The following DGKB variants were observed in gnomAD, a reference collection of about 807,000 sequenced individuals.
DGKB encodes diacylglycerol kinase beta, also known as 90 kDa diacylglycerol kinase.
In DGKB, 67 loss-of-function variants were observed where a neutral mutation model predicts 114.3. The ratio of observed to expected loss-of-function variants is 0.59; its 90% confidence interval spans 0.48 to 0.72. The LOEUF (loss-of-function observed/expected upper bound fraction) is 0.72. Among genes scored for constraint, DGKB ranks in the 30% least tolerant of loss-of-function variants. DGKB has a pLI of 0.00. For synonymous variants in DGKB, 398 were observed against 323.1 expected (o/e 1.23, Z -2.49); for missense variants, 907 against 975.2 (o/e 0.93, Z 0.93).
chr7:14,384,482 A>C (rs1025723923), intron 21 of DGKB, among the ~76,000 whole-genome samples: 2 of 152,024 alleles, frequency 1.3e-5, no homozygotes, highest in African/African-American at 4.8e-5. Flanking sequence ...TGTGTTTACT[A>C]TCTGGATTCA....
intron 1 of DGKB, among the ~76,000 whole-genome samples, chr7:14,951,354 A>G (rs1714869425): frequency 6.6e-6 from 1 of 152,058 alleles, no homozygotes; most frequent in South Asian, 2.1e-4. Context: ...AAAGCCACAT[A>G]AAGACATGGA....
chr7:14,924,454 T>C (rs894495094), intron 1 of DGKB, among the ~76,000 whole-genome samples: 4 of 152,218 alleles, frequency 2.6e-5, no homozygotes, highest in African/African-American at 9.6e-5. Context: ...AGATTTCCTC[T>C]GTGGTACTTT....
chr7:14,263,104 G>A (rs1271398430), intron 23 of DGKB, among the ~76,000 whole-genome samples: 1 of 152,076 alleles, frequency 6.6e-6, no homozygotes, highest in African/African-American at 2.4e-5. Flanking sequence ...AAAGTAGGTA[G>A]GACTATATCT....
intron 13 of DGKB, among the ~76,000 whole-genome samples, chr7:14,639,509 C>T (rs1221848870): frequency 1.3e-5 from 2 of 152,170 alleles, no homozygotes; most frequent in South Asian, 2.1e-4. Context: ...AAGCTTGCAG[C>T]CGTCCCTAAG....
intron 20 of DGKB, among the ~76,000 whole-genome samples, chr7:14,497,339 ATAAAAATTT>A (rs1785455453): frequency 6.6e-6 from 1 of 151,846 alleles, no homozygotes; most frequent in African/African-American, 2.4e-5. Flanking sequence ...AGAGATTAAA[ATAAAAATTT>A]TAAAATAAAA....
At chr7:14,956,662 A>G (rs1786521259) in intron 1 of DGKB, among the ~76,000 whole-genome samples, 1 of 152,048 alleles carries the variant, frequency 6.6e-6, no homozygotes, top group African/African-American at 2.4e-5. Flanking sequence ...TTCATTGTCT[A>G]TACAAGAAAT....
chr7:14,211,446 T>C (rs1787878692), intron 23 of DGKB, among the ~76,000 whole-genome samples: 1 of 72,114 alleles, frequency 1.4e-5, no homozygotes, highest in Non-Finnish European at 2.5e-5. Context: ...TGTTTTGTGA[T>C]ATTTACTCTC....
intron 23 of DGKB, among the ~76,000 whole-genome samples, chr7:14,204,594 T>C (rs1786451394): frequency 6.6e-6 from 1 of 152,034 alleles, no homozygotes. Flanking sequence ...TAGCCTAAAT[T>C]GTCTTGGTAA....
intron 21 of DGKB, among the ~76,000 whole-genome samples, chr7:14,436,784 AAG>A (rs1210048723): frequency 6.6e-6 from 1 of 152,152 alleles, no homozygotes; most frequent in Non-Finnish European, 1.5e-5. Flanking sequence ...CTCAAATTTT[AAG>A]AGTTTGACCT....
intron 23 of DGKB, among the ~76,000 whole-genome samples, chr7:14,266,020 A>G (rs1431925467): frequency 6.6e-6 from 1 of 152,152 alleles, no homozygotes; most frequent in Non-Finnish European, 1.5e-5. Flanking sequence ...CCCCAGACTA[A>G]GTCGGTAAAT....
At chr7:14,277,180 A>AT (rs55786502) in intron 23 of DGKB, among the ~76,000 whole-genome samples, 114,528 of 151,130 alleles carry the variant, frequency 0.76, 44,462 homozygotes, top group South Asian at 0.86. Flanking sequence ...AGTTTATTTT[A>AT]TTTTTTTTGA....
intron 20 of DGKB, among the ~76,000 whole-genome samples, chr7:14,515,225 T>C (rs982558110): frequency 1.3e-5 from 2 of 152,198 alleles, no homozygotes; most frequent in African/African-American, 2.4e-5. Context: ...ATGACATCAA[T>C]ATATTATTTC....
chr7:14,479,149 T>G (rs1782627560), intron 20 of DGKB, among the ~76,000 whole-genome samples: 2 of 152,148 alleles, frequency 1.3e-5, no homozygotes, highest in African/African-American at 4.8e-5. Flanking sequence ...AGGGCTATTG[T>G]TGACATTCAC....
intron 1 of DGKB, among the ~76,000 whole-genome samples, chr7:14,934,908 T>A (rs142237340): frequency 7.9e-5 from 12 of 152,312 alleles, no homozygotes; most frequent in African/African-American, 2.9e-4. Context: ...TAAACCCACA[T>A]AACTGAATTT....
chr7:14,648,466 A>T (rs1475493125), intron 13 of DGKB, among the ~76,000 whole-genome samples: 1 of 151,704 alleles, frequency 6.6e-6, no homozygotes, highest in Non-Finnish European at 1.5e-5. Context: ...AACAAACAGA[A>T]AGGACATCCA....
chr7:14,680,672 C>A (rs1435244926), intron 12 of DGKB, among the ~76,000 whole-genome samples: 1 of 151,826 alleles, frequency 6.6e-6, no homozygotes, highest in Non-Finnish European at 1.5e-5. Context: ...CAGTAAGAGA[C>A]CACTAGCAAT....
intron 20 of DGKB, among the ~76,000 whole-genome samples, chr7:14,544,006 A>G (rs1173784248): frequency 6.6e-6 from 1 of 152,224 alleles, no homozygotes; most frequent in Non-Finnish European, 1.5e-5. Flanking sequence ...TATTAAATAA[A>G]TTGTATTGCT....
chr7:14,278,531 T>G (rs1011214628), intron 23 of DGKB, among the ~76,000 whole-genome samples: 1 of 152,124 alleles, frequency 6.6e-6, no homozygotes, highest in African/African-American at 2.4e-5. Context: ...CCTAAAACTA[T>G]ACGACTACTA....
intron 21 of DGKB, among the ~76,000 whole-genome samples, chr7:14,474,944 G>A (rs974949294): frequency 8.6e-5 from 13 of 151,876 alleles, no homozygotes; most frequent in Non-Finnish European, 1.8e-4. Context: ...AGTTAACTTA[G>A]ATTTATATAG....
Sources: gnomAD v4.1 joint callset for allele counts (sites outside exome capture counted in the v4.1 genomes callset) on GRCh38, gnomAD v4.1.1 for gene constraint, MANE v1.5 for transcripts, NCBI Gene and HGNC (gene_info 2026-07-23, HGNC 2026-07-21) for gene names.